PTBP3: variants seen among roughly 807,000 people sequenced by gnomAD.
The protein encoded by PTBP3 is polypyrimidine tract-binding protein 3.
In PTBP3, 20 loss-of-function variants were observed where a neutral mutation model predicts 58.7. The observed-to-expected ratio is 0.34, with a 90% confidence interval of 0.24 to 0.50. The LOEUF (loss-of-function observed/expected upper bound fraction) is 0.50, where lower values mean the gene tolerates loss of function less well. PTBP3 is among the 20% of genes least tolerant of loss of function. The pLI, the probability that PTBP3 is intolerant of heterozygous loss-of-function variation, is 0.98. For missense variants in PTBP3, 509 were observed against 637.2 expected, an observed-to-expected ratio of 0.80 and a Z score of 2.17; for synonymous variants, 185 against 219.8, an observed-to-expected ratio of 0.84 and a Z score of 1.40.
the PTBP3 span, among the ~76,000 whole-genome samples, chr9:112,355,475 G>T: frequency 6.6e-6 from 1 of 152,256 alleles, no homozygotes; most frequent in Admixed American, 6.5e-5. Flanking sequence ...TATTTCTCAT[G>T]CAAAGGAAGT....
chr9:112,371,347 C>T, the PTBP3 span, among the ~76,000 whole-genome samples: 1 of 152,206 alleles, frequency 6.6e-6, no homozygotes, highest in Non-Finnish European at 1.5e-5. Context: ...ATTCTACATC[C>T]TTGACCTACT....
chr9:112,222,741 G>A lies in PTBP3; in HGVS notation c.*1110C>T, dbSNP rs1834847629. On this transcript the variant is annotated 3_prime_UTR_variant, in exon 14 of 14. Transcript: ENST00000374257. ...AAATGCTTACCAAGCCCACAATATA[G>A]CTTTCAAGATATTTAGATTAAACTC... 1.3e-5 allele frequency: 13 copies of A among 971,486 alleles called. No individual in the cohort carries two copies. The highest frequency in any genetic ancestry group is 3.5e-5 in the African/African-American group (2 of 56,844). The allele number at this position is 971,486 out of a possible 1,614,324, so 60.2% of individuals were successfully genotyped here. A position where few individuals can be genotyped will look rare whatever the true frequency, so the allele number is the denominator to read the frequency against.
the PTBP3 span, among the ~76,000 whole-genome samples, chr9:112,349,862 T>TAAA: frequency 1.0e-4 from 1 of 10,030 alleles, no homozygotes; most frequent in Non-Finnish European, 1.4e-4. Flanking sequence ...AGACTCTGTC[T>TAAA]CAAAAAAAAA....
chr9:112,267,326 C>T (rs572233102), intron 4 of PTBP3, among the ~76,000 whole-genome samples: 12 of 152,198 alleles, frequency 7.9e-5, no homozygotes, highest in East Asian at 1.9e-4. Flanking sequence ...CCACCACGCC[C>T]GGCTAATTTT....
intron 1 of PTBP3, among the ~76,000 whole-genome samples, chr9:112,320,232 T>C (rs1387882279): frequency 4.2e-5 from 6 of 143,844 alleles, no homozygotes; most frequent in African/African-American, 1.6e-4. Context: ...GAGCTATGAT[T>C]GCACCACTGC....
At chr9:112,339,437 C>G in the PTBP3 span, among the ~76,000 whole-genome samples, 4 of 152,072 alleles carry the variant, frequency 2.6e-5, no homozygotes, top group East Asian at 5.8e-4. Flanking sequence ...CCCCCACTCT[C>G]TATCCTGAGG....
chr9:112,330,682 A>G (rs1447316013), intron 1 of PTBP3, among the ~76,000 whole-genome samples: 2 of 152,218 alleles, frequency 1.3e-5, no homozygotes, highest in Non-Finnish European at 2.9e-5. Context: ...CTTACTACCA[A>G]TGCAAGAAAC....
At chr9:112,297,808 AT>A (rs748342221) in intron 2 of PTBP3, 23 bp downstream of exon 2, 3 of 1,427,980 alleles carry the variant, frequency 2.1e-6, no homozygotes, top group South Asian at 2.6e-5. Context: ...GAAATCAAAT[AT>A]TAAAAAAAAA....
intron 8 of PTBP3, among the ~76,000 whole-genome samples, chr9:112,233,439 G>GA (rs1295829913): frequency 7.3e-5 from 11 of 151,554 alleles, no homozygotes; most frequent in African/African-American, 2.7e-4. Context: ...CAAAATGAGG[G>GA]AAAACATATC....
chr9:112,298,558 C>T, intron 1 of PTBP3: 1 of 508,676 alleles, frequency 2.0e-6, no homozygotes, highest in East Asian at 5.6e-5. Flanking sequence ...TAAAAGATTA[C>T]TTTCAGGAAG....
the PTBP3 span, among the ~76,000 whole-genome samples, chr9:112,357,600 C>T: frequency 6.6e-6 from 1 of 152,174 alleles, no homozygotes; most frequent in Admixed American, 6.5e-5. Context: ...CTGCTAGACT[C>T]AGCTTCCCAA....
At chr9:112,302,603 TTTG>T (rs1301014994) in intron 1 of PTBP3, among the ~76,000 whole-genome samples, 13 of 100,694 alleles carry the variant, frequency 1.3e-4, no homozygotes, top group Non-Finnish European at 8.0e-5. Context: ...TTTTTTTTTT[TTTG>T]GAGACAAGGT....
At chr9:112,245,577 G>C (rs1437658390) in intron 7 of PTBP3, among the ~76,000 whole-genome samples, 1 of 152,154 alleles carries the variant, frequency 6.6e-6, no homozygotes, top group Non-Finnish European at 1.5e-5. Context: ...TGTCCATTTA[G>C]TCATGCCCTA....
chr9:112,332,754 A>C lies in PTBP3; in HGVS notation c.-52+716T>G, dbSNP rs770414170. ...TTTTTGAGCATTTGAAATGCCCCCG[A>C]AAATCGCTCGTACATCATATTTTAC... On this transcript the variant is annotated intron_variant, in intron 1 of 13. Transcript: ENST00000374257. 2.5e-6 allele frequency: 4 copies of C among 1,610,636 alleles called. No individual in the cohort carries two copies. In the East Asian group the frequency reaches 8.9e-5, roughly 36 times the overall value.
the PTBP3 span, among the ~76,000 whole-genome samples, chr9:112,342,075 G>GA: frequency 2.6e-5 from 4 of 152,014 alleles, no homozygotes; most frequent in East Asian, 1.9e-4. Flanking sequence ...GGCCTGGATA[G>GA]AAAAAAAAGG....
rs1436224750 is a variant in PTBP3 at position 112,319,130 on chromosome 9, G to GAA, written c.-52+14338_-52+14339dup. Among the ~76,000 whole-genome samples, 48 of 29,484 alleles carry GAA rather than the reference G, an allele frequency of 1.6e-3. 4 individuals are homozygous for GAA. Among genetic ancestry groups the GAA allele is most frequent in the African/African-American group, 2.7e-3 (29 of 10,940 alleles). The allele number at this position is 29,484 out of a possible 152,430, so 19.3% of individuals were successfully genotyped here. On this transcript the variant is annotated intron_variant, in intron 1 of 13. Transcript: ENST00000374257. ...CAACAACAGCGAAACTCCGTCTCAA[G>GAA]AAAAAAAAAAAAAAGAAAGAAAATT... is the stretch of plus-strand genomic sequence containing the variant.
the PTBP3 span, among the ~76,000 whole-genome samples, chr9:112,377,400 G>T: frequency 7.9e-5 from 12 of 152,162 alleles, no homozygotes; most frequent in Non-Finnish European, 1.5e-4. Flanking sequence ...CTTAGTATTT[G>T]AAGCTTGAAC....
intron 1 of PTBP3, among the ~76,000 whole-genome samples, chr9:112,329,740 A>T (rs1281626155): frequency 6.6e-6 from 1 of 152,178 alleles, no homozygotes; most frequent in Non-Finnish European, 1.5e-5. Flanking sequence ...GACACATAGT[A>T]GGCACTGAAG....
chr9:112,296,050 C>G (rs1332528158), intron 2 of PTBP3, among the ~76,000 whole-genome samples: 2 of 152,166 alleles, frequency 1.3e-5, no homozygotes, highest in African/African-American at 2.4e-5. Context: ...AGCTCATCAG[C>G]TATCATTAAT....
Sources: gnomAD v4.1 joint callset for allele counts (sites outside exome capture counted in the v4.1 genomes callset) on GRCh38, gnomAD v4.1.1 for gene constraint, MANE v1.5 for transcripts, NCBI Gene and HGNC (gene_info 2026-07-23, HGNC 2026-07-21) for gene names.